The following ARHGAP6 variants were observed in gnomAD, a reference collection of about 807,000 sequenced individuals.
The protein encoded by ARHGAP6 is Rho GTPase activating protein 6.
Under a neutral mutation model 55.7 loss-of-function variants are expected in ARHGAP6, and 16 were observed. The ratio of observed to expected loss-of-function variants is 0.29; its 90% confidence interval spans 0.19 to 0.44. The LOEUF (loss-of-function observed/expected upper bound fraction) is 0.44. ARHGAP6 is among the 20% of genes least tolerant of loss of function. The probability of loss-of-function intolerance (pLI) is 1.00; values close to 1 mark genes in which losing one functional copy is unlikely to be tolerated. For missense variants in ARHGAP6, 698 were observed against 808.9 expected (o/e 0.86, Z 1.66); for synonymous variants, 382 against 360.9 (o/e 1.06, Z -0.66).
At chrX:11,165,902 A>C (rs1338363582) in intron 9 of ARHGAP6, among the ~76,000 whole-genome samples, 1 of 111,302 alleles carries the variant, frequency 9.0e-6, no homozygotes, top group East Asian at 2.8e-4. Flanking sequence ...TTTCCTTGCA[A>C]CTCTGCTGCA....
At chrX:11,359,098 G>A (rs1471516018) in intron 1 of ARHGAP6, among the ~76,000 whole-genome samples, 1 of 111,603 alleles carries the variant, frequency 9.0e-6, no homozygotes, top group African/African-American at 3.3e-5. Flanking sequence ...TATCTGTTAT[G>A]GCATCTCCTT....
At chrX:11,640,197 T>C (rs1186682000) in intron 1 of ARHGAP6, among the ~76,000 whole-genome samples, 2 of 111,612 alleles carry the variant, frequency 1.8e-5, no homozygotes, top group Non-Finnish European at 3.8e-5. Flanking sequence ...TTCCACTCCC[T>C]ACTTCACCCT....
At chrX:11,417,905 T>C (rs1347698262) in intron 1 of ARHGAP6, among the ~76,000 whole-genome samples, 1 of 110,594 alleles carries the variant, frequency 9.0e-6, no homozygotes, top group African/African-American at 3.4e-5. Flanking sequence ...TCTCACAGGG[T>C]TATTTTAAGG....
chrX:11,524,108 T>C (rs892029682), intron 1 of ARHGAP6, among the ~76,000 whole-genome samples: 5 of 111,975 alleles, frequency 4.5e-5, no homozygotes, highest in African/African-American at 1.6e-4. Context: ...ATCTCTCTTA[T>C]TATTATAATA....
intron 6 of ARHGAP6, among the ~76,000 whole-genome samples, chrX:11,180,394 A>G (rs753579295): frequency 8.1e-5 from 9 of 110,617 alleles, no homozygotes; most frequent in Non-Finnish European, 1.5e-4. Flanking sequence ...ATTACTACGC[A>G]TTTCCTGTGT....
chrX:11,298,444 T>A, intron 1 of ARHGAP6: 1 of 1,166,489 alleles, frequency 8.6e-7, no homozygotes, highest in Non-Finnish European at 1.2e-6. Flanking sequence ...AAAGGAAAAA[T>A]GAATAAAATA....
intron 1 of ARHGAP6, among the ~76,000 whole-genome samples, chrX:11,283,771 TG>T (rs772841558): frequency 1.8e-5 from 2 of 111,453 alleles, no homozygotes; most frequent in Non-Finnish European, 3.8e-5. Context: ...CCAAGGAATG[TG>T]GGCAGCCTCT....
chrX:11,546,168 A>G (rs2051210332), intron 1 of ARHGAP6, among the ~76,000 whole-genome samples: 1 of 110,785 alleles, frequency 9.0e-6, no homozygotes, highest in Admixed American at 9.7e-5. Context: ...ATATTTGGCA[A>G]ATAAATATAT....
Position 11,462,580 on chromosome X carries a change from A to G in ARHGAP6, c.588+201661T>C, listed in dbSNP as rs183376713. On this transcript the variant is annotated intron_variant, in intron 1 of 12. Transcript: ENST00000337414. The stretch of plus-strand genomic sequence containing the variant: ...CTCAATCAAGAAAGAAAACATTACC[A>G]TCGTGCTGTGTTTGACAATTCACTC... Among the ~76,000 whole-genome samples the G allele has an allele frequency of 4.4e-5, 5 of 112,525 alleles. No homozygotes were observed. The East Asian group carries it at 1.4e-3, about 31-fold the overall frequency.
chrX:11,536,972 C>T (rs2051110261), intron 1 of ARHGAP6, among the ~76,000 whole-genome samples: 1 of 112,262 alleles, frequency 8.9e-6, no homozygotes, highest in Admixed American at 9.4e-5. Flanking sequence ...ATAGAATGTG[C>T]TATCACCATC....
chrX:11,208,381 T>C (rs776016339), intron 2 of ARHGAP6, among the ~76,000 whole-genome samples: 2 of 111,898 alleles, frequency 1.8e-5, no homozygotes, highest in Non-Finnish European at 3.8e-5. Context: ...AGCCAAATTC[T>C]AGGCATGGTG....
chrX:11,459,926 A>G (rs2050228060), intron 1 of ARHGAP6, among the ~76,000 whole-genome samples: 1 of 111,764 alleles, frequency 8.9e-6, no homozygotes, highest in Admixed American at 9.5e-5. Context: ...GTGTTAAAAA[A>G]AAAGTGTTAT....
At chrX:11,207,411 T>C (rs773790228) in intron 2 of ARHGAP6, among the ~76,000 whole-genome samples, 1 of 112,219 alleles carries the variant, frequency 8.9e-6, no homozygotes, top group South Asian at 3.7e-4. Context: ...TTTGTTTCAC[T>C]ACATGACATT....
At chrX:11,166,344 C>T (rs2046016860) in intron 9 of ARHGAP6, among the ~76,000 whole-genome samples, 1 of 111,742 alleles carries the variant, frequency 8.9e-6, no homozygotes, top group African/African-American at 3.3e-5. Flanking sequence ...GCTACCTTTC[C>T]TAACAAGTCT....
intron 2 of ARHGAP6, among the ~76,000 whole-genome samples, chrX:11,208,451 T>C (rs1355959605): frequency 9.0e-6 from 1 of 111,548 alleles, no homozygotes; most frequent in Non-Finnish European, 1.9e-5. Context: ...GATCTGCACA[T>C]TTTAGGAAGA....
intron 3 of ARHGAP6, among the ~76,000 whole-genome samples, chrX:11,194,860 C>T (rs777179932): frequency 9.8e-5 from 11 of 111,929 alleles, no homozygotes; most frequent in Non-Finnish European, 2.1e-4. Context: ...TTGTCCAATA[C>T]TGATCCCAAT....
intron 9 of ARHGAP6, among the ~76,000 whole-genome samples, chrX:11,167,039 A>C (rs1056439660): frequency 2.7e-5 from 3 of 112,005 alleles, no homozygotes; most frequent in African/African-American, 9.7e-5. Context: ...TCCATGCCCA[A>C]ATCTTTTCAT....
chrX:11,595,667 A>T (rs946798312), intron 1 of ARHGAP6, among the ~76,000 whole-genome samples: 6 of 111,915 alleles, frequency 5.4e-5, no homozygotes, highest in Admixed American at 9.5e-5. Context: ...AAATTTTTGC[A>T]GTCTATCCAT....
At chrX:11,396,054 T>C (rs2049473561) in intron 1 of ARHGAP6, among the ~76,000 whole-genome samples, 1 of 111,510 alleles carries the variant, frequency 9.0e-6, no homozygotes, top group African/African-American at 3.3e-5. Flanking sequence ...AGTACTATCA[T>C]ACCACAGATA....
Sources: gnomAD v4.1 joint callset for allele counts (sites outside exome capture counted in the v4.1 genomes callset) on GRCh38, gnomAD v4.1.1 for gene constraint, MANE v1.5 for transcripts, NCBI Gene and HGNC (gene_info 2026-07-23, HGNC 2026-07-21) for gene names.